The following DOCK8 variants were observed in gnomAD, a reference collection of about 807,000 sequenced individuals.
DOCK8 encodes dedicator of cytokinesis protein 8.
In DOCK8, 141 loss-of-function variants were observed where a neutral mutation model predicts 245.6. The observed-to-expected ratio is 0.57, with a 90% CI of 0.50 to 0.66. The LOEUF is 0.66. DOCK8 is among the 30% of genes least tolerant of loss of function. The pLI is 0.00. For missense variants in DOCK8, 2,965 were observed against 2,603.4 expected (o/e 1.14, Z -3.02); for synonymous variants, 1,168 against 970.2 (o/e 1.20, Z -3.79).
At position 382,511 on chromosome 9, in the gene DOCK8, A is replaced by G; in HGVS notation, c.2606-2A>G. Reference sequence around the variant, plus strand: ...GACATGTCTCTGCCTGGTGGGGTGCAGGCGCTCCCACTGCCCTCCTAGACC... The same window carrying G: ...GACATGTCTCTGCCTGGTGGGGTGCGGGCGCTCCCACTGCCCTCCTAGACC... On this transcript the variant is annotated splice_acceptor_variant, in intron 21 of 47. Transcript: ENST00000432829. LOFTEE classifies it high-confidence loss of function. 6.2e-7 allele frequency: 1 copy of G among 1,613,552 alleles called. No individual in the cohort carries two copies. The highest frequency in any genetic ancestry group is 8.5e-7 in the Non-Finnish European group (1 of 1,179,870).
At chr9:397,638 C>T (rs377059993) in intron 25 of DOCK8, among the ~76,000 whole-genome samples, 144 of 148,674 alleles carry the variant, frequency 9.7e-4, no homozygotes, top group African/African-American at 3.3e-3. Context: ...TGCAGTGAGC[C>T]GAGATGGTAC....
intron 1 of DOCK8, among the ~76,000 whole-genome samples, chr9:246,774 TTTTA>T (rs553183270): frequency 2.0e-5 from 3 of 152,076 alleles, no homozygotes; most frequent in South Asian, 2.1e-4. Context: ...TTTTTAAAGC[TTTTA>T]TTTATTTATT....
chr9:250,816 T>A (rs2047627242), intron 1 of DOCK8, among the ~76,000 whole-genome samples: 3 of 152,198 alleles, frequency 2.0e-5, no homozygotes, highest in Admixed American at 2.0e-4. Flanking sequence ...AAGGAAGTCC[T>A]GGCTGTCCAG....
intron 29 of DOCK8, among the ~76,000 whole-genome samples, chr9:417,270 G>T (rs993587932): frequency 6.6e-6 from 1 of 152,184 alleles, no homozygotes; most frequent in Non-Finnish European, 1.5e-5. Flanking sequence ...ATGATAGTGT[G>T]AGACTTTGTC....
chr9:312,321 T>A, intron 6 of DOCK8, 155 bp downstream of exon 6: 1 of 842,456 alleles, frequency 1.2e-6, no homozygotes, highest in Non-Finnish European at 2.0e-6. Flanking sequence ...GGCAAGCCTG[T>A]GTGTCATAGC....
intron 1 of DOCK8, among the ~76,000 whole-genome samples, chr9:237,490 A>G (rs1186683574): frequency 6.6e-6 from 1 of 152,232 alleles, no homozygotes; most frequent in Non-Finnish European, 1.5e-5. Context: ...CCTAGTCTCT[A>G]CAAAAAATAC....
chr9:292,387 CAAAAA>C (rs5895837), intron 4 of DOCK8, among the ~76,000 whole-genome samples: 2 of 63,070 alleles, frequency 3.2e-5, no homozygotes, highest in Admixed American at 5.7e-4. Context: ...AACTCCGTCT[CAAAAA>C]AAAAAAAAAA....
chr9:300,412 A>G (rs1315338935), intron 4 of DOCK8, among the ~76,000 whole-genome samples: 1 of 152,190 alleles, frequency 6.6e-6, no homozygotes, highest in African/African-American at 2.4e-5. Context: ...AGGAAATCAA[A>G]CAAAATGGTG....
chr9:227,453 C>T (rs1378090469), intron 1 of DOCK8, among the ~76,000 whole-genome samples: 2 of 152,182 alleles, frequency 1.3e-5, no homozygotes, highest in African/African-American at 4.8e-5. Flanking sequence ...GTCACATTAT[C>T]TTTCTCCTAT....
chr9:212,972 G>A (rs569831059), upstream of DOCK8: 1 of 152,268 alleles, frequency 6.6e-6, no homozygotes, highest in African/African-American at 2.4e-5. Context: ...GGGGCAAAAT[G>A]TTTTCTATGT....
chr9:289,461 G>A (rs371491567), intron 3 of DOCK8, 49 bp from the exon 4 acceptor site: 26 of 1,481,766 alleles, frequency 1.8e-5, no homozygotes, highest in Non-Finnish European at 2.3e-5. Flanking sequence ...GGGTTGTTTT[G>A]TTGTTTTACC....
At position 424,062 on chromosome 9, in the gene DOCK8, C is replaced by CTT. The variant is rs35430451; in HGVS notation, c.4241+1941_4241+1942dup. ...TCTACAAATTCTCAGGGGCTTTGTG[C>CTT]TTTTTTTTTTTTTTTAAAAGGGAAA... is the stretch of plus-strand genomic sequence containing the variant. On this transcript the variant is annotated intron_variant, in intron 33 of 47. Transcript: ENST00000432829. Among the ~76,000 whole-genome samples the CTT allele has an allele frequency of 2.4e-4, 35 of 147,144 alleles. 1 individual carries two copies. Among genetic ancestry groups the CTT allele is most frequent in the African/African-American group, 8.8e-4 (35 of 39,978 alleles).
rs569404759 is a variant in DOCK8 at position 299,630 on chromosome 9, A to T, written c.405-4951A>T. 9.5e-5 allele frequency among the ~76,000 whole-genome samples: 14 copies of T among 147,758 alleles called. No individual in the cohort carries two copies. The East Asian group carries it at 2.8e-3, about 29-fold the overall frequency. ...TTCCTTATTCAGAGTTCACCTGTTT[A>T]TTTTTTTTTTCATTTCCCCAATTTA... On this transcript the variant is annotated intron_variant, in intron 4 of 47. Transcript: ENST00000432829.
intron 14 of DOCK8, among the ~76,000 whole-genome samples, chr9:360,070 T>TGC (rs2052648162): frequency 6.6e-6 from 1 of 151,944 alleles, no homozygotes; most frequent in African/African-American, 2.4e-5. Context: ...AATCCCAACA[T>TGC]TTTGGGAGGC....
At chr9:431,367 T>C (rs2056705222) in intron 36 of DOCK8, among the ~76,000 whole-genome samples, 1 of 152,126 alleles carries the variant, frequency 6.6e-6, no homozygotes, top group Admixed American at 6.6e-5. Flanking sequence ...CCTCCAAATG[T>C]ATTAGGGATG....
intron 43 of DOCK8, among the ~76,000 whole-genome samples, chr9:445,349 G>A (rs996488172): frequency 2.0e-5 from 3 of 152,202 alleles, no homozygotes; most frequent in African/African-American, 7.2e-5. Flanking sequence ...TACAGTCTGA[G>A]GTCAGTGACC....
intron 4 of DOCK8, 34 bp from the exon 5 acceptor site, chr9:304,546 CT>C (rs766647490): frequency 1.2e-5 from 20 of 1,613,566 alleles, no homozygotes; most frequent in Non-Finnish European, 1.7e-5. Flanking sequence ...CTCTCTCCCT[CT>C]TTCTCTCTCC....
rs746378925 is a variant in DOCK8, at chr9:328,051, C to T, written c.924C>T (p.Asn308=). ...CAGAAAATTTTCACTGTGACCTGAA[C>T]TCTGACCAGTTCAAAGGATTTCTGC... The part of the protein sequence containing the change: ...KISENFHCDL[N]SDQFKGFLRA... Residue 308 remains asparagine (N), a synonymous_variant, in exon 9 of 48, where the codon AAC becomes AAT. Transcript: ENST00000432829. 1.7e-5 allele frequency: 28 copies of T among 1,614,060 alleles called. No homozygotes were observed. In the East Asian group the frequency reaches 3.6e-4, roughly 21 times the overall value.
At chr9:347,358 T>A (rs1396615568) in intron 14 of DOCK8, among the ~76,000 whole-genome samples, 2 of 151,786 alleles carry the variant, frequency 1.3e-5, no homozygotes, top group Non-Finnish European at 2.9e-5. Flanking sequence ...ACAAAAAAAT[T>A]AGCCAGGGGT....
Sources: gnomAD v4.1 joint callset for allele counts (sites outside exome capture counted in the v4.1 genomes callset) on GRCh38, gnomAD v4.1.1 for gene constraint, MANE v1.5 for transcripts, NCBI Gene and HGNC (gene_info 2026-07-23, HGNC 2026-07-21) for gene names.